The following CNTN4 variants were observed in gnomAD, a reference collection of about 807,000 sequenced individuals.
The protein encoded by CNTN4 is contactin 4.
A neutral mutation model predicts 122.5 loss-of-function variants in CNTN4; 77 were observed. The ratio of observed to expected loss-of-function variants is 0.63; its 90% confidence interval spans 0.52 to 0.76. The LOEUF is 0.76. Among genes scored for constraint, CNTN4 ranks in the 30% least tolerant of loss-of-function variants. The probability of loss-of-function intolerance (pLI) is 0.00; values close to 1 mark genes in which losing one functional copy is unlikely to be tolerated. For missense variants in CNTN4, 1,256 were observed against 1,259.1 expected, an observed-to-expected ratio of 1.00 and a Z score of 0.04; for synonymous variants, 512 against 447.0, an observed-to-expected ratio of 1.15 and a Z score of -1.83.
Position 2,728,974 on chromosome 3 carries a change from G to C in CNTN4, c.56-7241G>C, listed in dbSNP as rs1381975683. On this transcript the variant is annotated intron_variant, in intron 4 of 24. Transcript: ENST00000418658. ...CTTCATACCTGCCATTAGGATTAAG[G>C]GCTTAAACAAGTTTCAGGTGCAACA... 2.0e-5 allele frequency among the ~76,000 whole-genome samples: 3 copies of C among 152,284 alleles called. No individual in the cohort carries two copies. In the South Asian group the frequency reaches 6.2e-4, roughly 32 times the overall value.
In CNTN4 at chr3:2,533,922, C is replaced by T. The variant is rs1300745035; in HGVS notation, c.-88-37494C>T. Among the ~76,000 whole-genome samples, 98 of 150,616 alleles carry T rather than the reference C, an allele frequency of 6.5e-4. 1 individual carries two copies. Among genetic ancestry groups the T allele is most frequent in the Middle Eastern group, 3.4e-3 (1 of 290 alleles). On this transcript the variant is annotated intron_variant, in intron 3 of 24. Transcript: ENST00000418658. Reference sequence around the variant, plus strand: ...ACAAATGTCTTCTTTTGAGAAGTGTCTGTTCATATCCTTTGCCCACTTTTT... The same window carrying T: ...ACAAATGTCTTCTTTTGAGAAGTGTTTGTTCATATCCTTTGCCCACTTTTT...
At position 2,437,226 on chromosome 3, in the gene CNTN4, A is replaced by C. The variant is rs564373736; in HGVS notation, c.-89+97993A>C. 1.1e-3 allele frequency among the ~76,000 whole-genome samples: 160 copies of C among 152,276 alleles called. 2 individuals carry two copies. The highest frequency in any genetic ancestry group is 3.4e-3 in the Middle Eastern group (1 of 294). On this transcript the variant is annotated intron_variant, in intron 3 of 24. Coordinates refer to ENST00000418658, the MANE Select transcript of CNTN4 (RefSeq NM_175607.3). ...TCTAGCGAGTAAAGGGAAGACTCTA[A>C]TAATTAAGTCTGTTTAGTTGACACT...
At chr3:2,974,162 C>T (rs1398527304) in intron 13 of CNTN4, among the ~76,000 whole-genome samples, 1 of 152,084 alleles carries the variant, frequency 6.6e-6, no homozygotes, top group African/African-American at 2.4e-5. Flanking sequence ...TCCTGGGAGA[C>T]AAGTTTACCT....
At chr3:2,789,376 A>G (rs1366202714) in intron 6 of CNTN4, among the ~76,000 whole-genome samples, 1 of 152,250 alleles carries the variant, frequency 6.6e-6, no homozygotes, top group Non-Finnish European at 1.5e-5. Context: ...TTATTAGGAA[A>G]TTGCCATGCC....
chr3:2,185,718 C>T (rs2037220382), intron 2 of CNTN4, among the ~76,000 whole-genome samples: 1 of 152,088 alleles, frequency 6.6e-6, no homozygotes, highest in African/African-American at 2.4e-5. Context: ...TCTTGGACTG[C>T]CAATAATGGT....
rs1559261207 is a variant in CNTN4 at position 2,120,407 on chromosome 3, T to TATATATAAA, written c.-145+19768_-145+19769insATATATAAA. 5.5e-3 allele frequency among the ~76,000 whole-genome samples: 180 copies of TATATATAAA among 32,724 alleles called. 2 individuals are homozygous for TATATATAAA. Among genetic ancestry groups the TATATATAAA allele is most frequent in the Non-Finnish European group, 8.6e-3 (127 of 14,768 alleles). The allele number at this position is 32,724 out of a possible 152,430, so 21.5% of individuals were successfully genotyped here. A position where few individuals can be genotyped will look rare whatever the true frequency, so the allele number is the denominator to read the frequency against. ...TATATATATATATATATATATATAT[T>TATATATAAA]TTTTTTTTTTTTTTTATGCAGAGTC... On this transcript the variant is annotated intron_variant, in intron 2 of 24. Transcript: ENST00000418658.
intron 4 of CNTN4, among the ~76,000 whole-genome samples, chr3:2,671,413 G>T (rs979427410): frequency 2.0e-5 from 3 of 152,154 alleles, no homozygotes; most frequent in African/African-American, 7.2e-5. Flanking sequence ...TCGTCACATA[G>T]TTCTCGTGCC....
intron 4 of CNTN4, among the ~76,000 whole-genome samples, chr3:2,716,182 C>T (rs1429977111): frequency 1.3e-5 from 2 of 151,992 alleles, no homozygotes; most frequent in East Asian, 3.9e-4. Context: ...CCCAGCTGAC[C>T]ATTTTTTAAT....
chr3:2,566,615 G>A (rs1407418687), intron 3 of CNTN4, among the ~76,000 whole-genome samples: 2 of 151,854 alleles, frequency 1.3e-5, no homozygotes, highest in Non-Finnish European at 2.9e-5. Flanking sequence ...GGGCCAGGAG[G>A]CAGAATTTGA....
chr3:2,963,774 T>G (rs944578931), intron 13 of CNTN4, among the ~76,000 whole-genome samples: 1 of 152,230 alleles, frequency 6.6e-6, no homozygotes, highest in East Asian at 1.9e-4. Context: ...TTGCTTTATT[T>G]GCTTTATTGT....
At chr3:2,620,955 G>C (rs1187798894) in intron 4 of CNTN4, among the ~76,000 whole-genome samples, 2 of 152,164 alleles carry the variant, frequency 1.3e-5, no homozygotes, top group Non-Finnish European at 2.9e-5. Context: ...AAGTAAGAAA[G>C]ACTTGAAATT....
At chr3:2,576,813 G>T (rs933409257) in intron 4 of CNTN4, among the ~76,000 whole-genome samples, 5 of 152,132 alleles carry the variant, frequency 3.3e-5, no homozygotes, top group Non-Finnish European at 2.9e-5. Context: ...TTCCCAAAGT[G>T]CTGGGATTAT....
intron 3 of CNTN4, among the ~76,000 whole-genome samples, chr3:2,564,520 A>G (rs1446548904): frequency 6.6e-6 from 1 of 152,198 alleles, no homozygotes; most frequent in African/African-American, 2.4e-5. Flanking sequence ...TTTTTGGCAT[A>G]TATAACCTTC....
rs143926469 is a variant in CNTN4 at position 2,837,299 on chromosome 3, G to T, written c.454+17718G>T. Among the ~76,000 whole-genome samples, 41 of 152,278 alleles carry T rather than the reference G, an allele frequency of 2.7e-4. No homozygotes were observed. The East Asian group carries it at 3.9e-3, about 14-fold the overall frequency. ...GACACATTGGTCTCCTGCAAACCAC[G>T]TAGTTCTTTTATTGCTTCTTTTTTC... On this transcript the variant is annotated intron_variant, in intron 7 of 24. Coordinates refer to ENST00000418658, the MANE Select transcript of CNTN4 (RefSeq NM_175607.3).
At chr3:2,424,985 G>A (rs1421701204) in intron 3 of CNTN4, among the ~76,000 whole-genome samples, 17 of 152,012 alleles carry the variant, frequency 1.1e-4, no homozygotes, top group Admixed American at 1.1e-3. Flanking sequence ...TTGTCAGATG[G>A]GTAGATTGCA....
chr3:2,752,794 T>C (rs2090158320), intron 6 of CNTN4, among the ~76,000 whole-genome samples: 1 of 152,164 alleles, frequency 6.6e-6, no homozygotes, highest in Non-Finnish European at 1.5e-5. Flanking sequence ...TTACCACTCT[T>C]CTACTGTCTA....
At position 2,631,748 on chromosome 3, in the gene CNTN4, G is replaced by T. The variant is rs184328025; in HGVS notation, c.55+60190G>T. On this transcript the variant is annotated intron_variant, in intron 4 of 24. Coordinates refer to ENST00000418658, the MANE Select transcript of CNTN4 (RefSeq NM_175607.3). ...TATGCAGTATTAAAAATCATTTCTG[G>T]CCAGGCATGATGACTCACACCTGTA... Among the ~76,000 whole-genome samples the T allele has an allele frequency of 9.3e-5, 14 of 151,188 alleles. 1 individual carries two copies. In the East Asian group the frequency reaches 2.7e-3, roughly 29 times the overall value.
chr3:2,857,419 T>G (rs951858959), intron 7 of CNTN4, among the ~76,000 whole-genome samples: 1 of 152,210 alleles, frequency 6.6e-6, no homozygotes, highest in African/African-American at 2.4e-5. Context: ...TTTGATTTCT[T>G]AAAATACCAA....
intron 7 of CNTN4, among the ~76,000 whole-genome samples, chr3:2,832,309 T>C (rs1237740281): frequency 6.6e-6 from 1 of 152,196 alleles, no homozygotes; most frequent in Non-Finnish European, 1.5e-5. Flanking sequence ...AGGGCAGATA[T>C]AGGAGTGGGC....
Sources: allele counts gnomAD v4.1 joint callset (sites outside exome capture counted in the v4.1 genomes callset), GRCh38; gene constraint gnomAD v4.1.1; transcripts MANE v1.5; gene names NCBI Gene and HGNC (gene_info 2026-07-23, HGNC 2026-07-21).